PNPLA8: variants seen among roughly 807,000 people sequenced by gnomAD.
The protein encoded by PNPLA8 is patatin like domain 8, phospholipase A2.
Under a neutral mutation model 76.9 loss-of-function variants are expected in PNPLA8, and 39 were observed. That is an observed-to-expected ratio of 0.51 (90% CI 0.39 to 0.66). PNPLA8 has a LOEUF of 0.66. PNPLA8 is among the 30% of genes least tolerant of loss of function. The pLI, the probability that PNPLA8 is intolerant of heterozygous loss-of-function variation, is 0.00. For missense variants in PNPLA8, 887 were observed against 918.0 expected, an observed-to-expected ratio of 0.97 and a Z score of 0.44; for synonymous variants, 301 against 307.9, an observed-to-expected ratio of 0.98 and a Z score of 0.24.
At chr7:108,504,851 T>C (rs975899418) in intron 4 of PNPLA8, among the ~76,000 whole-genome samples, 3 of 151,684 alleles carry the variant, frequency 2.0e-5, no homozygotes, top group African/African-American at 4.9e-5. Flanking sequence ...CCGAGGTGGG[T>C]GGATCACCTG....
chr7:108,499,095 A>C (rs1861765123), intron 5 of PNPLA8, among the ~76,000 whole-genome samples: 2 of 152,224 alleles, frequency 1.3e-5, no homozygotes, highest in Non-Finnish European at 2.9e-5. Flanking sequence ...AGACATGATG[A>C]ATTAAATGTA....
At chr7:108,502,460 A>T in intron 5 of PNPLA8, 31 bp downstream of exon 5, 1 of 1,421,290 alleles carries the variant, frequency 7.0e-7, no homozygotes. Context: ...AAAAAAAAAA[A>T]AAAAAAAAAG....
At chr7:108,502,442 CAAAAAA>C (rs369261888) in intron 5 of PNPLA8, 43 bp downstream of exon 5, 584 of 623,320 alleles carry the variant, frequency 9.4e-4, no homozygotes, top group East Asian at 1.7e-3. Context: ...AACTCCATCT[CAAAAAA>C]AAAAAAAAAA....
chr7:108,507,993 C>A (rs1471834624), intron 4 of PNPLA8, among the ~76,000 whole-genome samples: 2 of 111,660 alleles, frequency 1.8e-5, no homozygotes, highest in African/African-American at 7.3e-5. Flanking sequence ...GCTAAAAACT[C>A]TCAATAAATT....
chr7:108,500,197 C>T (rs1298614043), intron 5 of PNPLA8, among the ~76,000 whole-genome samples: 3 of 152,130 alleles, frequency 2.0e-5, no homozygotes, highest in Non-Finnish European at 4.4e-5. Context: ...CTACCTGTCC[C>T]AACTCCCCTG....
intron 2 of PNPLA8, chr7:108,518,146 T>C (rs1235377722): frequency 6.6e-6 from 1 of 152,232 alleles, no homozygotes; most frequent in Non-Finnish European, 1.5e-5. Flanking sequence ...ATCTCATTCC[T>C]AAGGGCTACA....
chr7:108,507,888 G>C (rs1364155031), intron 4 of PNPLA8, among the ~76,000 whole-genome samples: 2 of 147,080 alleles, frequency 1.4e-5, no homozygotes, highest in African/African-American at 2.5e-5. Context: ...ATCAATAAAT[G>C]TAATCCAGCA....
At chr7:108,496,219 G>A (rs1485223694) in intron 7 of PNPLA8, among the ~76,000 whole-genome samples, 1 of 152,074 alleles carries the variant, frequency 6.6e-6, no homozygotes, top group Non-Finnish European at 1.5e-5. Context: ...TGGGCAACGG[G>A]AGTGAGAGCG....
At chr7:108,504,241 T>G (rs534910359) in intron 4 of PNPLA8, among the ~76,000 whole-genome samples, 24 of 152,190 alleles carry the variant, frequency 1.6e-4, no homozygotes, top group African/African-American at 5.8e-4. Context: ...TTTTTTAAAC[T>G]TACAATGTCC....
chr7:108,502,102 CT>C (rs909697680), intron 5 of PNPLA8, among the ~76,000 whole-genome samples: 75 of 146,280 alleles, frequency 5.1e-4, no homozygotes, highest in South Asian at 6.5e-4. Flanking sequence ...TATATCAAAT[CT>C]TTTTTTTTTT....
intron 4 of PNPLA8, chr7:108,510,843 A>C (rs1347059085): frequency 1.6e-4 from 253 of 1,598,812 alleles, no homozygotes; most frequent in Non-Finnish European, 2.0e-4. Context: ...AAAGAGGCAA[A>C]TAACTTCCTG....
At chr7:108,511,705 G>A (rs1173613901) in intron 4 of PNPLA8, among the ~76,000 whole-genome samples, 1 of 152,180 alleles carries the variant, frequency 6.6e-6, no homozygotes, top group Non-Finnish European at 1.5e-5. Context: ...GTGTGATCTA[G>A]ACTGAACCCT....
rs1033603109 is a variant in PNPLA8, at chr7:108,510,389, G to T, written c.1206+3755C>A. The T allele has an allele frequency of 6.4e-6, 10 of 1,552,456 alleles. No individual in the cohort carries two copies. The African/African-American group carries it at 1.4e-4, about 21-fold the overall frequency. ...AAGGAGGAAGCTTATCTATGAAAAA[G>T]CAAAGCACTATCACAGGGAATATAG... is the stretch of plus-strand genomic sequence containing the variant. On this transcript the variant is annotated intron_variant, in intron 4 of 10. Transcript: ENST00000257694.
chr7:108,505,424 G>A (rs1371241189), intron 4 of PNPLA8, among the ~76,000 whole-genome samples: 2 of 133,350 alleles, frequency 1.5e-5, no homozygotes, highest in Admixed American at 8.1e-5. Flanking sequence ...GTGCAGCGGC[G>A]TGATCTCAGC....
intron 4 of PNPLA8, among the ~76,000 whole-genome samples, chr7:108,508,001 A>G (rs1251215110): frequency 9.5e-6 from 1 of 105,784 alleles, no homozygotes; most frequent in African/African-American, 3.9e-5. Flanking sequence ...CTCTCAATAA[A>G]TTAGGTATTG....
chr7:108,495,868 A>T (rs1473784716), intron 7 of PNPLA8, among the ~76,000 whole-genome samples: 1 of 152,238 alleles, frequency 6.6e-6, no homozygotes, highest in African/African-American at 2.4e-5. Context: ...GAAGGATACG[A>T]ATTTACAACT....
intron 7 of PNPLA8, among the ~76,000 whole-genome samples, chr7:108,492,774 T>C (rs1598900568): frequency 6.6e-6 from 1 of 152,146 alleles, no homozygotes; most frequent in African/African-American, 2.4e-5. Context: ...AAGGTAGATA[T>C]AGAAGAATAT....
At chr7:108,481,820 T>C (rs1860418528) in intron 9 of PNPLA8, among the ~76,000 whole-genome samples, 1 of 152,224 alleles carries the variant, frequency 6.6e-6, no homozygotes, top group South Asian at 2.1e-4. Context: ...AGAACTACGA[T>C]CCATTATAAA....
At chr7:108,486,499 G>T (rs1346734678) in intron 9 of PNPLA8, among the ~76,000 whole-genome samples, 1 of 152,036 alleles carries the variant, frequency 6.6e-6, no homozygotes, top group Non-Finnish European at 1.5e-5. Context: ...GAGAAGAAAG[G>T]CAAGAAGGGG....
Sources: gnomAD v4.1 joint callset for allele counts (sites outside exome capture counted in the v4.1 genomes callset) on GRCh38, gnomAD v4.1.1 for gene constraint, MANE v1.5 for transcripts, NCBI Gene and HGNC (gene_info 2026-07-23, HGNC 2026-07-21) for gene names.